SLCO2A1: variants seen among roughly 807,000 people sequenced by gnomAD.
The protein encoded by SLCO2A1 is matrin F/G 1.
SLCO2A1 carries 60 observed loss-of-function variants against 71.7 expected under a neutral mutation model. The ratio of observed to expected loss-of-function variants is 0.84; its 90% CI spans 0.68 to 1.04. SLCO2A1 has a LOEUF of 1.04. Among genes scored for constraint, SLCO2A1 ranks in the 50% least tolerant of loss-of-function variants. SLCO2A1 has a pLI of 0.00. For synonymous variants in SLCO2A1, 308 were observed against 326.7 expected (o/e 0.94, Z 0.62); for missense variants, 745 against 813.4 (o/e 0.92, Z 1.02).
Position 133,987,074 on chromosome 3 carries a change from G to T in SLCO2A1, c.97-7456C>A, listed in dbSNP as rs528886433. Among the ~76,000 whole-genome samples the T allele has an allele frequency of 9.6e-4, 145 of 151,234 alleles. 1 individual carries two copies. Among genetic ancestry groups the T allele is most frequent in the African/African-American group, 3.4e-3 (139 of 41,112 alleles). Reference sequence around the variant, plus strand: ...TTCCACACAAACCCCAGGGAAGGAAGACTAGAAAATTTCAACTGATGTCTT... The same window carrying T: ...TTCCACACAAACCCCAGGGAAGGAATACTAGAAAATTTCAACTGATGTCTT... On this transcript the variant is annotated intron_variant, in intron 1 of 13. Coordinates refer to ENST00000310926, the MANE Select transcript of SLCO2A1 (RefSeq NM_005630.3).
intron 11 of SLCO2A1, among the ~76,000 whole-genome samples, chr3:133,940,384 C>A (rs371205788): frequency 6.6e-6 from 1 of 152,176 alleles, no homozygotes; most frequent in Non-Finnish European, 1.5e-5. Flanking sequence ...CTCTCCACCC[C>A]CTACCCCAAC....
At chr3:133,955,688 T>C (rs1343463254) in intron 3 of SLCO2A1, among the ~76,000 whole-genome samples, 1 of 152,098 alleles carries the variant, frequency 6.6e-6, no homozygotes, top group Non-Finnish European at 1.5e-5. Flanking sequence ...TTGCACCGGG[T>C]TGGTGTCACC....
chr3:134,020,544 C>T (rs912638616), intron 1 of SLCO2A1, among the ~76,000 whole-genome samples: 2 of 152,258 alleles, frequency 1.3e-5, no homozygotes, highest in African/African-American at 4.8e-5. Flanking sequence ...AGAGGAGCAA[C>T]GCAGTGGCTG....
At chr3:133,967,010 G>T (rs535797877) in intron 3 of SLCO2A1, among the ~76,000 whole-genome samples, 3 of 152,178 alleles carry the variant, frequency 2.0e-5, no homozygotes, top group Non-Finnish European at 4.4e-5. Context: ...ACAGAAGCCC[G>T]CTTTCCTTTT....
intron 3 of SLCO2A1, among the ~76,000 whole-genome samples, chr3:133,972,450 A>T (rs986654298): frequency 6.6e-6 from 1 of 152,200 alleles, no homozygotes; most frequent in Non-Finnish European, 1.5e-5. Flanking sequence ...GAAAACAGGG[A>T]TGTGCAATAT....
At chr3:134,024,217 T>A (rs1377168618) in intron 1 of SLCO2A1, among the ~76,000 whole-genome samples, 1 of 152,208 alleles carries the variant, frequency 6.6e-6, no homozygotes, top group Non-Finnish European at 1.5e-5. Flanking sequence ...CACCCTGGCA[T>A]TTCATCAACC....
intron 3 of SLCO2A1, among the ~76,000 whole-genome samples, chr3:133,971,345 G>A (rs935852580): frequency 2.0e-5 from 3 of 152,252 alleles, no homozygotes; most frequent in African/African-American, 4.8e-5. Context: ...TATGGCAGGA[G>A]CCTGGGGCTC....
At chr3:134,027,574 C>T (rs148263899) in intron 1 of SLCO2A1, among the ~76,000 whole-genome samples, 272 of 152,260 alleles carry the variant, frequency 1.8e-3, no homozygotes, top group African/African-American at 6.2e-3. Context: ...CTGATGCCCC[C>T]GGCTGAATAA....
chr3:133,969,475 C>A (rs558584244), intron 3 of SLCO2A1, among the ~76,000 whole-genome samples: 1 of 152,150 alleles, frequency 6.6e-6, no homozygotes, highest in African/African-American at 2.4e-5. Context: ...AAGCCTCAAA[C>A]TTCTGGGCTC....
chr3:133,934,851 G>C (rs1295770945), intron 13 of SLCO2A1, 21 bp from the exon 14 acceptor site: 1 of 1,586,432 alleles, frequency 6.3e-7, no homozygotes, highest in South Asian at 1.1e-5. Flanking sequence ...GAGGAGGCAG[G>C]ACTGGTGAGG....
intron 1 of SLCO2A1, among the ~76,000 whole-genome samples, chr3:134,012,509 T>C (rs34479392): frequency 0.12 from 18,993 of 152,180 alleles, 1,410 homozygotes; most frequent in East Asian, 0.37. Flanking sequence ...GCAGATGAGC[T>C]TTCTCATCAC....
rs3923835 is a variant in SLCO2A1, at chr3:133,940,595, T to C, written c.1625+2010A>G. Among the ~76,000 whole-genome samples the C allele has an allele frequency of 2.7e-4, 41 of 152,144 alleles. No homozygotes were observed. In the East Asian group the frequency reaches 6.8e-3, roughly 25 times the overall value. On this transcript the variant is annotated intron_variant, in intron 11 of 13. Transcript: ENST00000310926. Reference sequence around the variant, plus strand: ...GTGCCCTCTCCTCATCATGGCCTCATGTAGTTTTATGTCAGGGCTGGAGGG... The same window carrying C: ...GTGCCCTCTCCTCATCATGGCCTCACGTAGTTTTATGTCAGGGCTGGAGGG...
intron 3 of SLCO2A1, among the ~76,000 whole-genome samples, chr3:133,959,552 T>C (rs1466140818): frequency 1.3e-5 from 2 of 152,026 alleles, no homozygotes; most frequent in African/African-American, 4.8e-5. Flanking sequence ...ACACTGGGCG[T>C]GACGGCGCGC....
intron 1 of SLCO2A1, among the ~76,000 whole-genome samples, chr3:133,992,923 GTGGGTGCTGTCAT>G (rs1327634921): frequency 1.4e-4 from 21 of 149,594 alleles, no homozygotes; most frequent in African/African-American, 5.1e-4. Context: ...TGTCATGAGT[GTGGGTGCTGTCAT>G]GAGTGTGGGT....
At chr3:134,016,108 C>T (rs542457582) in intron 1 of SLCO2A1, among the ~76,000 whole-genome samples, 22 of 152,074 alleles carry the variant, frequency 1.4e-4, no homozygotes, top group African/African-American at 3.1e-4. Context: ...AGAAATCATT[C>T]GGAAACTAAG....
intron 3 of SLCO2A1, among the ~76,000 whole-genome samples, chr3:133,959,477 A>C (rs995769300): frequency 1.3e-5 from 2 of 151,996 alleles, no homozygotes; most frequent in African/African-American, 4.8e-5. Context: ...TGAGAATGTA[A>C]AGTGGTGTAG....
intron 1 of SLCO2A1, among the ~76,000 whole-genome samples, chr3:134,011,857 C>G (rs1285535569): frequency 6.6e-6 from 1 of 152,146 alleles, no homozygotes; most frequent in Non-Finnish European, 1.5e-5. Flanking sequence ...AGTTGCTGAG[C>G]AGTGAGAGCT....
At chr3:133,963,288 G>A (rs1934086924) in intron 3 of SLCO2A1, among the ~76,000 whole-genome samples, 1 of 151,552 alleles carries the variant, frequency 6.6e-6, no homozygotes, top group African/African-American at 2.4e-5. Context: ...GGCAGGCCAA[G>A]GTCTAGCCAT....
chr3:133,977,026 A>G (rs917345474), intron 2 of SLCO2A1, among the ~76,000 whole-genome samples: 1 of 152,124 alleles, frequency 6.6e-6, no homozygotes, highest in Non-Finnish European at 1.5e-5. Context: ...GGTTCACCGC[A>G]CACTCCACCA....
Sources: gnomAD v4.1 joint callset for allele counts (sites outside exome capture counted in the v4.1 genomes callset) on GRCh38, gnomAD v4.1.1 for gene constraint, MANE v1.5 for transcripts, NCBI Gene and HGNC (gene_info 2026-07-23, HGNC 2026-07-21) for gene names.